The following LAMC3 variants were observed in gnomAD, a reference collection of about 807,000 sequenced individuals.
LAMC3 encodes the protein laminin subunit gamma-3.
A neutral mutation model predicts 173.8 loss-of-function variants in LAMC3; 128 were observed. The ratio of observed to expected loss-of-function variants is 0.74; its 90% CI spans 0.64 to 0.85. The LOEUF (loss-of-function observed/expected upper bound fraction) is 0.85. LAMC3 is among the 40% of genes least tolerant of loss of function. LAMC3 has a pLI of 0.00. For missense variants in LAMC3, 2,022 were observed against 2,156.0 expected (o/e 0.94, Z 1.23); for synonymous variants, 897 against 909.1 (o/e 0.99, Z 0.24).
intron 1 of LAMC3, among the ~76,000 whole-genome samples, chr9:131,020,956 G>GT (rs548202102): frequency 5.1e-4 from 78 of 151,568 alleles, no homozygotes; most frequent in African/African-American, 1.4e-3. Context: ...GTTTTTTGAT[G>GT]TTTTTTTTTC....
At chr9:131,051,488 T>C (rs1834285757) in intron 9 of LAMC3, among the ~76,000 whole-genome samples, 1 of 151,070 alleles carries the variant, frequency 6.6e-6, no homozygotes, top group South Asian at 2.1e-4. Flanking sequence ...CTCAGCCTCC[T>C]GAGTAGCTGG....
intron 3 of LAMC3, among the ~76,000 whole-genome samples, chr9:131,032,659 T>A (rs866161111): frequency 1.4e-5 from 2 of 139,164 alleles, no homozygotes; most frequent in Non-Finnish European, 3.2e-5. Flanking sequence ...ACTCACTCTC[T>A]CTCACTCTCT....
rs572916462 is a variant in LAMC3, at chr9:131,081,675, A to G, written c.3928-384A>G. 2.9e-4 allele frequency among the ~76,000 whole-genome samples: 44 copies of G among 152,258 alleles called. No individual in the cohort carries two copies. In the South Asian group the frequency reaches 8.1e-3, roughly 28 times the overall value. ...TTTTTAGTAGAGACAGGGTTTCACCATGTTGGCCAGGCTGGTCTCGAACTC... is the reference window on the plus strand; with the variant it reads ...TTTTTAGTAGAGACAGGGTTTCACCGTGTTGGCCAGGCTGGTCTCGAACTC... On this transcript the variant is annotated intron_variant, in intron 23 of 27. Transcript: ENST00000361069.
At chr9:131,017,045 G>A (rs1176052956) in intron 1 of LAMC3, among the ~76,000 whole-genome samples, 3 of 152,212 alleles carry the variant, frequency 2.0e-5, no homozygotes, top group African/African-American at 7.2e-5. Flanking sequence ...AAAAGAAAGC[G>A]TGCGGAGCAA....
At chr9:131,083,963 C>T (rs1424570408) in intron 24 of LAMC3, among the ~76,000 whole-genome samples, 1 of 137,242 alleles carries the variant, frequency 7.3e-6, no homozygotes, top group East Asian at 2.1e-4. Context: ...CAACCTCTGC[C>T]TTCTGGGTTC....
chr9:131,047,862 C>CA (rs113887681), intron 8 of LAMC3, among the ~76,000 whole-genome samples: 39 of 146,922 alleles, frequency 2.7e-4, no homozygotes, highest in African/African-American at 7.7e-4. Flanking sequence ...GACTCTGTCT[C>CA]AAAAAAAAAG....
Position 131,057,055 on chromosome 9 carries a change from C to T in LAMC3, c.2066C>T (p.Pro689Leu), listed in dbSNP as rs113443891. Residue 689 changes from proline (P) to leucine (L), a missense_variant, in exon 12 of 28, where the codon CCG becomes CTG. Coordinates refer to ENST00000361069, the MANE Select transcript of LAMC3 (RefSeq NM_006059.4). ...GGCCAGTTCTGTGAATCCTGTGCTC[C>T]GGGATACAAGAGGGAGATGCCACAG... ...YTGQFCESCA[P>L]GYKREMPQGG... The T allele has an allele frequency of 3.8e-4, 606 of 1,614,132 alleles. 2 individuals are homozygous for T. Among genetic ancestry groups the T allele is most frequent in the African/African-American group, 3.6e-3 (272 of 75,050 alleles).
chr9:131,065,039 T>TAAAAAAAAAA (rs754104539), intron 13 of LAMC3, among the ~76,000 whole-genome samples: 4 of 27,372 alleles, frequency 1.5e-4, no homozygotes, highest in African/African-American at 2.8e-4. Flanking sequence ...AGACTCCATC[T>TAAAAAAAAAA]AAAAAAAAAA....
At position 131,068,374 on chromosome 9, in the gene LAMC3, G is replaced by A. The variant is rs1047673282; in HGVS notation, c.2747+143G>A. ...ACATTGTGCCCTTTGCCGAAGGGGA[G>A]CAAAGGGATGGACTCTTGGCATCCG... On this transcript the variant is annotated intron_variant, in intron 15 of 27. Transcript: ENST00000361069. 39 of 832,570 alleles carry A rather than the reference G, an allele frequency of 4.7e-5. No homozygotes were observed. The African/African-American group carries it at 5.9e-4, about 13-fold the overall frequency. 51.6% of individuals were successfully genotyped at this position (832,570 alleles called of 1,614,324 possible).
In LAMC3 at chr9:131,026,269, G is replaced by GT; in HGVS notation, c.374-12dup. 6.2e-7 allele frequency: 1 copy of GT among 1,613,904 alleles called. No individual in the cohort carries two copies. The highest frequency in any genetic ancestry group is 1.3e-5 in the African/African-American group (1 of 75,018). ...CTTCCCCTTCCATAAAATGGGCCCC[G>GT]TTTTCCTGGCTGCAGGGAAGGCTTA... On this transcript the variant is annotated splice_polypyrimidine_tract_variant and intron_variant, in intron 1 of 27. Transcript: ENST00000361069. The surrounding 1 kb of genome is among the most constrained non-coding windows in gnomAD (Gnocchi z 4.8).
At chr9:131,063,557 T>G (rs968711405) in intron 13 of LAMC3, among the ~76,000 whole-genome samples, 3 of 152,204 alleles carry the variant, frequency 2.0e-5, no homozygotes, top group Admixed American at 6.5e-5. Flanking sequence ...CCTAGCACAC[T>G]GAGAGCTCAC....
rs1045927871 is a variant in LAMC3 at position 131,079,433 on chromosome 9, A to G, written c.3927+135A>G. 85 of 1,023,570 alleles carry G rather than the reference A, an allele frequency of 8.3e-5. No homozygotes were observed. The African/African-American group carries it at 1.0e-3, about 12-fold the overall frequency. The allele number at this position is 1,023,570 out of a possible 1,614,324, so 63.4% of individuals were successfully genotyped here. ...TGTCCGGCCGGGTGTAGTGGCTCAC[A>G]CCTGTAATCCCACCACTTTGGGAGG... On this transcript the variant is annotated intron_variant, in intron 23 of 27. Transcript: ENST00000361069.
In LAMC3 at chr9:131,029,393, C is replaced by T. The variant is rs1833786938; in HGVS notation, c.679-2652C>T. Among the ~76,000 whole-genome samples, 1 of 152,210 alleles carries T rather than the reference C, an allele frequency of 6.6e-6. No homozygotes were observed. The highest frequency in any genetic ancestry group is 2.4e-5 in the African/African-American group (1 of 41,448). ...TCAGATGAAGACAGGCAGGGAGGGC[C>T]GGCCCCCGCTCCCACCTGCGTCTGT... On this transcript the variant is annotated intron_variant, in intron 2 of 27. Coordinates refer to ENST00000361069, the MANE Select transcript of LAMC3 (RefSeq NM_006059.4). The surrounding 1 kb of genome is among the most constrained non-coding windows in gnomAD (Gnocchi z 4.6).
At chr9:131,017,678 C>T (rs1465087682) in intron 1 of LAMC3, among the ~76,000 whole-genome samples, 3 of 126,154 alleles carry the variant, frequency 2.4e-5, no homozygotes, top group East Asian at 2.6e-4. Flanking sequence ...GAGCCGAGAT[C>T]GGGCCATTGC....
At chr9:131,067,298 C>T in intron 14 of LAMC3, 93 bp downstream of exon 14, 6 of 1,531,624 alleles carry the variant, frequency 3.9e-6, no homozygotes, top group Non-Finnish European at 5.4e-6. Context: ...CTGAGGAACC[C>T]ACCAGAACCA....
intron 6 of LAMC3, among the ~76,000 whole-genome samples, chr9:131,039,974 CAAA>C (rs149801443): frequency 2.4e-4 from 34 of 143,762 alleles, no homozygotes; most frequent in African/African-American, 8.8e-4. Flanking sequence ...GGCCAAAAAA[CAAA>C]AACAAAACAA....
intron 22 of LAMC3, among the ~76,000 whole-genome samples, 199 bp from the exon 23 acceptor site, chr9:131,078,950 C>T (rs1449284145): frequency 6.6e-6 from 1 of 152,272 alleles, no homozygotes; most frequent in African/African-American, 2.4e-5. Flanking sequence ...AAGCCTGACC[C>T]CTGCTATTCC....
At chr9:131,027,944 C>T (rs1230399815) in intron 2 of LAMC3, among the ~76,000 whole-genome samples, 1 of 152,248 alleles carries the variant, frequency 6.6e-6, no homozygotes, top group Non-Finnish European at 1.5e-5. Flanking sequence ...TGCTGTGTGT[C>T]CATAGCTGTT....
Position 131,072,768 on chromosome 9 carries a change from A to T in LAMC3, c.3350A>T (p.Asp1117Val), listed in dbSNP as rs762652155. Residue 1117 changes from aspartate (D) to valine (V), a missense_variant, in exon 19 of 28, where the codon GAC becomes GTC. Asp to Val is a radical substitution (Grantham distance 152). Coordinates refer to ENST00000361069, the MANE Select transcript of LAMC3 (RefSeq NM_006059.4). ...GSQKTCTQLA[D>V]LEAVLESSEE... The stretch of plus-strand genomic sequence containing the variant: ...CAGAAGACCTGCACCCAGCTGGCAG[A>T]CCTGGAGGCAGTGCTGGAGTCCTCG... 3.1e-6 allele frequency: 5 copies of T among 1,613,298 alleles called. No homozygotes were observed. Among genetic ancestry groups the T allele is most frequent in the Non-Finnish European group, 3.4e-6 (4 of 1,179,850 alleles).
Sources: allele counts gnomAD v4.1 joint callset (sites outside exome capture counted in the v4.1 genomes callset), GRCh38; gene constraint gnomAD v4.1.1; non-coding constraint Gnocchi (gnomAD v3.1); transcripts MANE v1.5; gene names NCBI Gene and HGNC (gene_info 2026-07-23, HGNC 2026-07-21).